TSC22D2: variants seen among roughly 807,000 people sequenced by gnomAD.
TSC22D2 encodes the protein TSC22 domain family member 2.
In TSC22D2, 5 loss-of-function variants were observed where a neutral mutation model predicts 50.1. The observed-to-expected ratio is 0.10, with a 90% CI of 0.05 to 0.21. The LOEUF (loss-of-function observed/expected upper bound fraction) is 0.21, where lower values mean the gene tolerates loss of function less well. TSC22D2 is among the 10% of genes least tolerant of loss of function. TSC22D2 has a pLI of 1.00. For synonymous variants in TSC22D2, 501 were observed against 450.1 expected, an observed-to-expected ratio of 1.11 and a Z score of -1.43; for missense variants, 1,003 against 1,015.5, an observed-to-expected ratio of 0.99 and a Z score of 0.17.
At position 150,463,461 on chromosome 3, in the gene TSC22D2, G is replaced by A. The variant is rs1470176948; in HGVS notation, c.*4825G>A. 1 of 152,114 alleles carries A rather than the reference G, an allele frequency of 6.6e-6. No individual in the cohort carries two copies. Among genetic ancestry groups the A allele is most frequent in the Non-Finnish European group, 1.5e-5 (1 of 68,028 alleles). The allele number at this position is 152,114 out of a possible 1,614,324, so 9.4% of individuals were successfully genotyped here. A position where few individuals can be genotyped will look rare whatever the true frequency, so the allele number is the denominator to read the frequency against. ...CAATAGTAATAGTTTATTATTTAGT[G>A]ATGTATACTTGCACCCCATTTACTC... On this transcript the variant is annotated 3_prime_UTR_variant, in exon 3 of 3. Transcript: ENST00000688009.
intron 1 of TSC22D2, among the ~76,000 whole-genome samples, chr3:150,447,810 C>T (rs1467522988): frequency 6.6e-6 from 1 of 152,144 alleles, no homozygotes; most frequent in African/African-American, 2.4e-5. Context: ...TCTGAGGTAC[C>T]AGTGTACATC....
rs777062843 is a variant in TSC22D2, at chr3:150,409,258, C to T, written c.-93C>T. On this transcript the variant is annotated 5_prime_UTR_variant, in exon 1 of 3. Transcript: ENST00000688009. This position sits in a 1 kb window ranked among gnomAD's most constrained non-coding sequence, Gnocchi z 7.4. ...CCTCAGACCCCAGCGCAGACTCGGACTTTGTCTTTGGGGGCCCGTGCTCTG... is the reference window on the plus strand; with the variant it reads ...CCTCAGACCCCAGCGCAGACTCGGATTTTGTCTTTGGGGGCCCGTGCTCTG... The T allele has an allele frequency of 7.0e-7, 1 of 1,436,272 alleles. No individual in the cohort carries two copies. The allele number at this position is 1,436,272 out of a possible 1,614,324, so 89.0% of individuals were successfully genotyped here. A position where few individuals can be genotyped will look rare whatever the true frequency, so the allele number is the denominator to read the frequency against.
At chr3:150,424,613 A>C (rs1437938268) in intron 1 of TSC22D2, among the ~76,000 whole-genome samples, 3 of 152,118 alleles carry the variant, frequency 2.0e-5, no homozygotes, top group Non-Finnish European at 4.4e-5. Context: ...AATACTCCTT[A>C]TATGTTTTCT....
chr3:150,422,171 A>G (rs541203791), intron 1 of TSC22D2, among the ~76,000 whole-genome samples: 10 of 152,362 alleles, frequency 6.6e-5, no homozygotes, highest in African/African-American at 2.4e-4. Context: ...ATGGGCTAAG[A>G]ATTTTAAAAG....
At chr3:150,456,497 G>C (rs1360612029) in intron 1 of TSC22D2, among the ~76,000 whole-genome samples, 1 of 151,812 alleles carries the variant, frequency 6.6e-6, no homozygotes, top group African/African-American at 2.4e-5. Flanking sequence ...TGAATGTTGA[G>C]TTTCTTGTTA....
At position 150,410,280 on chromosome 3, in the gene TSC22D2, G is replaced by T; in HGVS notation, c.930G>T (p.Gln310His). ...TGPQPMMAAA[Q>H]PSQPQGAGPG... is the part of the protein sequence containing the mutation. ...CGCAGCCAATGATGGCAGCCGCGCA[G>T]CCCAGCCAGCCCCAGGGAGCGGGGC... Residue 310 changes from glutamine (Q) to histidine (H), a missense_variant, in exon 1 of 3, where the codon CAG (glutamine) becomes CAT (histidine). Coordinates refer to ENST00000688009, the MANE Select transcript of TSC22D2 (RefSeq NM_001303264.2). 1 of 1,557,124 alleles carries T rather than the reference G, an allele frequency of 6.4e-7. No homozygotes were observed. The highest frequency in any genetic ancestry group is 1.9e-5 in the Admixed American group (1 of 52,142).
intron 1 of TSC22D2, among the ~76,000 whole-genome samples, chr3:150,442,152 A>G (rs928468974): frequency 2.6e-5 from 4 of 152,056 alleles, no homozygotes; most frequent in South Asian, 4.1e-4. Context: ...TTTTGTACCT[A>G]TCTTTTTTTT....
At chr3:150,452,007 T>C (rs1167258076) in intron 1 of TSC22D2, among the ~76,000 whole-genome samples, 1 of 152,150 alleles carries the variant, frequency 6.6e-6, no homozygotes, top group Non-Finnish European at 1.5e-5. Context: ...TGGGCTTGCT[T>C]TCTTTTCTCT....
intron 1 of TSC22D2, among the ~76,000 whole-genome samples, chr3:150,429,177 T>C (rs147309030): frequency 6.6e-6 from 1 of 152,224 alleles, no homozygotes; most frequent in African/African-American, 2.4e-5. Context: ...TTGATCTGAA[T>C]AGAGAAACCA....
chr3:150,424,723 G>A (rs1252182762), intron 1 of TSC22D2, among the ~76,000 whole-genome samples: 1 of 152,042 alleles, frequency 6.6e-6, no homozygotes, highest in East Asian at 1.9e-4. Context: ...CTCCTCCTTG[G>A]AGCCTGTTGT....
chr3:150,410,332 A>G lies in TSC22D2; in HGVS notation c.982A>G (p.Asn328Asp), dbSNP rs766159487. ...CGGGGGACAGACTCTGCCGCCGACG[A>G]ATGTAACCCTGGCGCAGCCGGCTAT... ...GPGGQTLPPTNVTLAQPAMSL... is the reference protein window; with the variant it reads ...GPGGQTLPPTDVTLAQPAMSL... The change falls in exon 1 of 3, where the codon AAT (asparagine) becomes GAT (aspartate). Residue 328 changes from asparagine to aspartate, a missense_variant. Asn to Asp is a conservative substitution (Grantham distance 23). Transcript: ENST00000688009. 1 of 1,585,546 alleles carries G rather than the reference A, an allele frequency of 6.3e-7. No individual in the cohort carries two copies. The highest frequency in any genetic ancestry group is 2.3e-5 in the East Asian group (1 of 44,046).
intron 1 of TSC22D2, among the ~76,000 whole-genome samples, chr3:150,446,724 C>T (rs1003126619): frequency 1.6e-4 from 24 of 152,092 alleles, no homozygotes; most frequent in African/African-American, 5.8e-4. Flanking sequence ...TTAAAAACCC[C>T]ATGATATTCT....
Position 150,410,349 on chromosome 3 carries a change from G to C in TSC22D2, c.999G>C (p.Gln333His), listed in dbSNP as rs1370859013. 1 of 1,594,162 alleles carries C rather than the reference G, an allele frequency of 6.3e-7. No individual in the cohort carries two copies. The highest frequency in any genetic ancestry group is 2.3e-5 in the East Asian group (1 of 44,268). The change falls in exon 1 of 3, where the codon CAG (glutamine) becomes CAC (histidine). Residue 333 changes from glutamine (Q) to histidine (H), a missense_variant. Coordinates refer to ENST00000688009, the MANE Select transcript of TSC22D2 (RefSeq NM_001303264.2). ...CGCCGACGAATGTAACCCTGGCGCA[G>C]CCGGCTATGTCCCTGCCTCCGCAGC... is the stretch of plus-strand genomic sequence containing the variant. ...TLPPTNVTLA[Q>H]PAMSLPPQPG...
At chr3:150,413,464 A>AT (rs1576540796) in intron 1 of TSC22D2, among the ~76,000 whole-genome samples, 2 of 151,860 alleles carry the variant, frequency 1.3e-5, no homozygotes, top group African/African-American at 4.8e-5. Flanking sequence ...AGTTTCCAAG[A>AT]TGTAATCTTA....
chr3:150,425,806 T>C (rs1368454709), intron 1 of TSC22D2, among the ~76,000 whole-genome samples: 1 of 152,208 alleles, frequency 6.6e-6, no homozygotes, highest in African/African-American at 2.4e-5. Context: ...AGAATATCTT[T>C]TAATCAAAAT....
chr3:150,409,148 C>T lies in TSC22D2; in HGVS notation c.-203C>T, dbSNP rs958924544. 6 of 517,220 alleles carry T rather than the reference C, an allele frequency of 1.2e-5. No homozygotes were observed. Among genetic ancestry groups the T allele is most frequent in the African/African-American group, 7.6e-5 (4 of 52,718 alleles). 32.0% of individuals were successfully genotyped at this position (517,220 alleles called of 1,614,324 possible). A position where few individuals can be genotyped will look rare whatever the true frequency, so the allele number is the denominator to read the frequency against. On this transcript the variant is annotated 5_prime_UTR_variant, in exon 1 of 3. Transcript: ENST00000688009. This position sits in a 1 kb window ranked among gnomAD's most constrained non-coding sequence, Gnocchi z 7.4. ...TGAGACGGGGGCAGAGCCGAAGAGA[C>T]CGACACAGAGAAGGAAACGAGGAGG...
Position 150,410,172 on chromosome 3 carries a change from A to G in TSC22D2, c.822A>G (p.Pro274=). ...CGCAGAGTTTTAGCGTTGGGCAGCC[A>G]CAGCCGCCGCCGCCACCCGTAGGTG... is the stretch of plus-strand genomic sequence containing the variant. ...AQPQSFSVGQ[P]QPPPPPVGGA... The change falls in exon 1 of 3, where the codon CCA becomes CCG. Residue 274 remains proline, a synonymous_variant. Coordinates refer to ENST00000688009, the MANE Select transcript of TSC22D2 (RefSeq NM_001303264.2). 2 of 1,609,076 alleles carry G rather than the reference A, an allele frequency of 1.2e-6. No individual in the cohort carries two copies. The highest frequency in any genetic ancestry group is 1.7e-6 in the Non-Finnish European group (2 of 1,178,562).
rs2108101243 is a variant in TSC22D2 at position 150,451,723 on chromosome 3, AT to A, written c.1959-5351del. ...TAAAATGAGAATGTTGCTCAGGCTT[AT>A]TGTAAGGACTCATTAAGATAAAGGT... On this transcript the variant is annotated intron_variant, in intron 1 of 2. Transcript: ENST00000688009. Among the ~76,000 whole-genome samples the A allele has an allele frequency of 2.0e-5, 3 of 152,304 alleles. 1 individual carries two copies. The South Asian group carries it at 6.2e-4, about 32-fold the overall frequency.
chr3:150,439,560 T>C (rs1020294369), intron 1 of TSC22D2, among the ~76,000 whole-genome samples: 1 of 152,214 alleles, frequency 6.6e-6, no homozygotes, highest in African/African-American at 2.4e-5. Flanking sequence ...TAGTATAGGA[T>C]ATCCATATGT....
Sources: allele counts gnomAD v4.1 joint callset (sites outside exome capture counted in the v4.1 genomes callset), GRCh38; gene constraint gnomAD v4.1.1; non-coding constraint Gnocchi (gnomAD v3.1); transcripts MANE v1.5; gene names NCBI Gene and HGNC (gene_info 2026-07-23, HGNC 2026-07-21).